The following NEAT1 variants were observed in gnomAD, a reference collection of about 807,000 sequenced individuals.
The protein encoded by NEAT1 is nuclear paraspeckle assembly transcript 1, also known as MENepsilon/beta.
exon 1 of NEAT1, chr11:65,438,302 A>T (rs886749130): frequency 1.3e-5 from 2 of 152,190 alleles, no homozygotes; most frequent in African/African-American, 4.8e-5. Context: ...CTTAATATTT[A>T]TGTATGTATT....
At chr11:65,436,807 A>G (rs1431409526) in exon 1 of NEAT1, 2 of 152,184 alleles carry the variant, frequency 1.3e-5, no homozygotes, top group Non-Finnish European at 2.9e-5. Context: ...GCTATACCGC[A>G]TATCTGTGTA....
exon 1 of NEAT1, chr11:65,426,384 A>T (rs1856562060): frequency 6.6e-6 from 1 of 152,148 alleles, no homozygotes; most frequent in Non-Finnish European, 1.5e-5. Context: ...GCTGTTGTGA[A>T]ATTGAAACTG....
chr11:65,424,546 A>G (rs1039387039), exon 1 of NEAT1: 2 of 152,216 alleles, frequency 1.3e-5, no homozygotes, highest in African/African-American at 4.8e-5. Context: ...GCCTGATGAA[A>G]TAACTTGGGG....
exon 1 of NEAT1, chr11:65,437,183 T>TTATATATATATATA: frequency 7.2e-6 from 1 of 139,096 alleles, no homozygotes; most frequent in Non-Finnish European, 1.5e-5. Flanking sequence ...GCTCTTTAGT[T>TTATATATATATATA]TATATATATA....
exon 1 of NEAT1, chr11:65,438,788 A>G (rs773277754): frequency 3.9e-5 from 6 of 152,190 alleles, no homozygotes; most frequent in Non-Finnish European, 8.8e-5. Context: ...GTTTATTCAC[A>G]CATCATTTGG....
chr11:65,428,301 G>A (rs1048924029), exon 1 of NEAT1: 3 of 152,178 alleles, frequency 2.0e-5, no homozygotes, highest in African/African-American at 7.2e-5. Context: ...AGTATTGGTT[G>A]AGGCTCTTCA....
chr11:65,444,400 C>T, exon 1 of NEAT1: 1 of 466,652 alleles, frequency 2.1e-6, no homozygotes, highest in East Asian at 7.0e-5. Flanking sequence ...ACCCAGCTCT[C>T]ACCCTGGCCT....
chr11:65,443,211 C>G (rs1856730385), exon 1 of NEAT1: 1 of 152,218 alleles, frequency 6.6e-6, no homozygotes, highest in African/African-American at 2.4e-5. Context: ...CCTGAGCTGG[C>G]TCAGCAGTCT....
exon 1 of NEAT1, chr11:65,431,939 GT>G (rs1222415053): frequency 6.6e-6 from 1 of 152,078 alleles, no homozygotes; most frequent in African/African-American, 2.4e-5. Context: ...TAATTTATCT[GT>G]TTTTACTTTT....
At chr11:65,432,401 TTATA>T (rs1856620811) in exon 1 of NEAT1, 1 of 152,168 alleles carries the variant, frequency 6.6e-6, no homozygotes, top group Non-Finnish European at 1.5e-5. Flanking sequence ...AAAGCACCTA[TTATA>T]CCAGGACTTT....
At chr11:65,444,578 TG>T (rs1856748917) in exon 1 of NEAT1, 2 of 467,874 alleles carry the variant, frequency 4.3e-6, no homozygotes, top group Non-Finnish European at 8.9e-6. Flanking sequence ...GCAGAGCTCG[TG>T]GGGGGCTCCC....
exon 1 of NEAT1, chr11:65,437,195 GTATA>G (rs71840262): frequency 4.6e-5 from 6 of 129,042 alleles, no homozygotes; most frequent in East Asian, 2.1e-4. Flanking sequence ...ATATATATAT[GTATA>G]TATATATATA....
exon 1 of NEAT1, chr11:65,444,041 T>C (rs1312676032): frequency 5.6e-6 from 1 of 177,984 alleles, no homozygotes; most frequent in African/African-American, 2.4e-5. Context: ...GCCGTGAATG[T>C]TTCCTCTCTG....
At chr11:65,443,384 A>G (rs1020476234) in exon 1 of NEAT1, 4 of 152,220 alleles carry the variant, frequency 2.6e-5, no homozygotes, top group Non-Finnish European at 4.4e-5. Flanking sequence ...TCTTGTTTGC[A>G]CTGGACTTAA....
chr11:65,444,555 T>A, exon 1 of NEAT1: 1 of 490,810 alleles, frequency 2.0e-6, no homozygotes, highest in East Asian at 6.3e-5. Flanking sequence ...GACAGGACTC[T>A]CAAATGAGGA....
At chr11:65,441,052 A>C (rs904868994) in exon 1 of NEAT1, 3 of 151,976 alleles carry the variant, frequency 2.0e-5, no homozygotes, top group Non-Finnish European at 4.4e-5. Flanking sequence ...GACTTTGGCC[A>C]AATTTCTTAA....
At chr11:65,431,058 G>C (rs1856609760) in exon 1 of NEAT1, 2 of 152,022 alleles carry the variant, frequency 1.3e-5, no homozygotes, top group South Asian at 4.1e-4. Flanking sequence ...ATTCCCTCCA[G>C]CCTCAGCAAC....
rs539900169 is a variant in NEAT1 at position 65,444,050 on chromosome 11, T to G, written n.21253T>G. On this transcript the variant is annotated non_coding_transcript_exon_variant, in exon 1 of 1. Coordinates refer to ENST00000501122, the Ensembl canonical transcript of NEAT1. The stretch of plus-strand genomic sequence containing the variant: ...TAGATGGCCGTGAATGTTTCCTCTC[T>G]GCTGCTGCAGTAAGTAAGTGCCCGC... 3.7e-4 allele frequency: 67 copies of G among 180,272 alleles called. 3 individuals are homozygous for G. The South Asian group carries it at 5.8e-3, about 15-fold the overall frequency. 11.2% of individuals were successfully genotyped at this position (180,272 alleles called of 1,614,324 possible).
exon 1 of NEAT1, chr11:65,423,422 CG>C (rs1856521887): frequency 6.6e-6 from 1 of 151,992 alleles, no homozygotes; most frequent in African/African-American, 2.4e-5. Context: ...GGGCCCAGGC[CG>C]GGCCCAGCCT....
Sources: allele counts gnomAD v4.1 joint callset, GRCh38; gene constraint gnomAD v4.1.1; transcripts MANE v1.5; gene names NCBI Gene and HGNC (gene_info 2026-07-23, HGNC 2026-07-21).